Variants in NNMT observed in about 807,000 individuals in gnomAD.
NNMT encodes nicotinamide N-methyltransferase.
In NNMT, 10 loss-of-function variants were observed where a neutral mutation model predicts 11.7. The ratio of observed to expected loss-of-function variants is 0.85; its 90% CI spans 0.53 to 1.45. NNMT has a LOEUF of 1.45. Among genes scored for constraint, NNMT ranks in the 40% most tolerant of loss-of-function variants. The probability of loss-of-function intolerance (pLI) is 0.00; values close to 1 mark genes in which losing one functional copy is unlikely to be tolerated. For synonymous variants in NNMT, 143 were observed against 133.8 expected, an observed-to-expected ratio of 1.07 and a Z score of -0.48; for missense variants, 381 against 319.4, an observed-to-expected ratio of 1.19 and a Z score of -1.47.
intron 2 of NNMT, among the ~76,000 whole-genome samples, chr11:114,281,867 T>G (rs1220673629): frequency 6.6e-6 from 1 of 152,098 alleles, no homozygotes; most frequent in Non-Finnish European, 1.5e-5. Context: ...TGGCAGGCCT[T>G]TTTCTCTGGG....
At chr11:114,279,509 G>A (rs1341930743) in intron 2 of NNMT, among the ~76,000 whole-genome samples, 1 of 152,092 alleles carries the variant, frequency 6.6e-6, no homozygotes, top group East Asian at 1.9e-4. Context: ...GTCAGATCAG[G>A]AGTTGGATAC....
chr11:114,272,661 C>T (rs1945180216), intron 2 of NNMT, among the ~76,000 whole-genome samples: 1 of 152,222 alleles, frequency 6.6e-6, no homozygotes, highest in South Asian at 2.1e-4. Context: ...GGAAGCCTCT[C>T]TCCACCTGCA....
chr11:114,275,382 C>T (rs1945206391), intron 2 of NNMT, among the ~76,000 whole-genome samples: 3 of 152,218 alleles, frequency 2.0e-5, no homozygotes, highest in Non-Finnish European at 4.4e-5. Flanking sequence ...TCCAGGCAGA[C>T]TTTCCATTTC....
intron 2 of NNMT, among the ~76,000 whole-genome samples, chr11:114,264,845 G>A (rs1945108370): frequency 6.6e-6 from 1 of 152,240 alleles, no homozygotes; most frequent in African/African-American, 2.4e-5. Flanking sequence ...TTGAAGAGAT[G>A]CATAGGGCAA....
At chr11:114,307,977 C>T (rs1945508115) in intron 2 of NNMT, among the ~76,000 whole-genome samples, 1 of 152,022 alleles carries the variant, frequency 6.6e-6, no homozygotes, top group South Asian at 2.1e-4. Context: ...TGAGTGATCA[C>T]TGGGTTAATG....
chr11:114,296,421 C>A lies in NNMT; in HGVS notation c.-136C>A. 1 of 817,286 alleles carries A rather than the reference C, an allele frequency of 1.2e-6. No homozygotes were observed. The highest frequency in any genetic ancestry group is 1.9e-6 in the Non-Finnish European group (1 of 526,814). The allele number at this position is 817,286 out of a possible 1,614,324, so 50.6% of individuals were successfully genotyped here. ...GTTAGTGTTTAACCAACCATCTGTT[C>A]TAAAAGAAGGGCTGAACTGATGGAA... On this transcript the variant is annotated 5_prime_UTR_variant, in exon 1 of 3. Transcript: ENST00000299964.
intron 1 of NNMT, among the ~76,000 whole-genome samples, chr11:114,260,348 C>T (rs1945068330): frequency 6.6e-6 from 1 of 152,228 alleles, no homozygotes; most frequent in African/African-American, 2.4e-5. Context: ...GAAGCCCTTC[C>T]CTATGTGGAA....
chr11:114,272,580 C>T (rs1368520323), intron 2 of NNMT, among the ~76,000 whole-genome samples: 1 of 152,196 alleles, frequency 6.6e-6, no homozygotes, highest in Non-Finnish European at 1.5e-5. Context: ...GTCGAGATTT[C>T]CTGCCCCCAT....
intron 2 of NNMT, among the ~76,000 whole-genome samples, chr11:114,263,981 C>A (rs532964492): frequency 6.6e-6 from 1 of 152,258 alleles, no homozygotes; most frequent in South Asian, 2.1e-4. Context: ...CTGCCACTGA[C>A]AAGCCTGATA....
chr11:114,266,995 T>C (rs1280884360), intron 2 of NNMT, among the ~76,000 whole-genome samples: 2 of 152,236 alleles, frequency 1.3e-5, no homozygotes, highest in African/African-American at 4.8e-5. Flanking sequence ...CTGGGCACGG[T>C]GGCTCACACT....
intron 2 of NNMT, among the ~76,000 whole-genome samples, chr11:114,306,830 G>A (rs1433416228): frequency 6.6e-6 from 1 of 152,146 alleles, no homozygotes; most frequent in Non-Finnish European, 1.5e-5. Flanking sequence ...TTAGGCCCCT[G>A]TCGAGGTGGC....
At chr11:114,303,314 A>C (rs1053897497) in intron 2 of NNMT, among the ~76,000 whole-genome samples, 1 of 152,192 alleles carries the variant, frequency 6.6e-6, no homozygotes, top group Non-Finnish European at 1.5e-5. Context: ...GGAATTTAAC[A>C]ATTTTTGATA....
At chr11:114,267,134 G>A (rs980194584) in intron 2 of NNMT, among the ~76,000 whole-genome samples, 17 of 152,070 alleles carry the variant, frequency 1.1e-4, no homozygotes, top group African/African-American at 4.1e-4. Flanking sequence ...GCGTGGTGGT[G>A]CACACCTGTA....
At chr11:114,290,124 A>C (rs139388731) in intron 2 of NNMT, among the ~76,000 whole-genome samples, 1 of 152,166 alleles carries the variant, frequency 6.6e-6, no homozygotes, top group Non-Finnish European at 1.5e-5. Flanking sequence ...GAGCGTTAGG[A>C]TTTTAACATA....
chr11:114,303,119 A>T (rs568230785), intron 2 of NNMT, among the ~76,000 whole-genome samples: 5 of 152,268 alleles, frequency 3.3e-5, no homozygotes, highest in Non-Finnish European at 7.4e-5. Context: ...ATTTACCCAC[A>T]TATCTTTCTT....
At chr11:114,277,971 C>T (rs573208244) in intron 2 of NNMT, among the ~76,000 whole-genome samples, 1 of 152,334 alleles carries the variant, frequency 6.6e-6, no homozygotes, top group Admixed American at 6.5e-5. Flanking sequence ...TTAGTTCTGA[C>T]ATCGGTAGTT....
chr11:114,312,465 C>T lies in NNMT; in HGVS notation c.783C>T (p.Ser261=). 6.2e-7 allele frequency: 1 copy of T among 1,613,258 alleles called. No individual in the cohort carries two copies. The highest frequency in any genetic ancestry group is 8.5e-7 in the Non-Finnish European group (1 of 1,179,552). The change falls in exon 3 of 3, where the codon AGC becomes AGT. Residue 261 remains serine, a synonymous_variant. Coordinates refer to ENST00000299964, the MANE Select transcript of NNMT (RefSeq NM_006169.3). The part of the protein sequence containing the change: ...GLFSLVARKL[S]RPL ...TCTCCCTGGTGGCGAGGAAGCTGAGCAGACCCCTGTGATGCCTGTGACCTC... is the reference window on the plus strand; with the variant it reads ...TCTCCCTGGTGGCGAGGAAGCTGAGTAGACCCCTGTGATGCCTGTGACCTC...
chr11:114,298,135 T>C lies in NNMT; in HGVS notation c.339T>C (p.Tyr113=). Residue 113 remains tyrosine (Y), a synonymous_variant, in exon 2 of 3, where the codon TAT becomes TAC. Transcript: ENST00000299964. ...TTGACTGGTCCCCAGTGGTGACCTA[T>C]GTGTGTGATCTTGAAGGGAACAGGT... ...EAFDWSPVVT[Y]VCDLEGNRVK... 1.2e-6 allele frequency: 2 copies of C among 1,614,154 alleles called. No homozygotes were observed. Among genetic ancestry groups the C allele is most frequent in the Non-Finnish European group, 1.7e-6 (2 of 1,180,004 alleles).
chr11:114,259,412 G>A lies in NNMT; in HGVS notation c.-217+1534G>A, dbSNP rs117727771. ...TGTCGATTCATAGACCACCTGACCCGTGTCTGCCGCATGCCAGAGGAAGGA... is the reference window on the plus strand; with the variant it reads ...TGTCGATTCATAGACCACCTGACCCATGTCTGCCGCATGCCAGAGGAAGGA... On this transcript the variant is annotated intron_variant, in intron 1 of 4. Coordinates refer to the NNMT transcript ENST00000535401. Among the ~76,000 whole-genome samples the A allele has an allele frequency of 1.7e-3, 261 of 150,844 alleles. 2 individuals are homozygous for A. The highest frequency in any genetic ancestry group is 0.016 in the South Asian group (74 of 4,772).
Sources: gnomAD v4.1 joint callset for allele counts (sites outside exome capture counted in the v4.1 genomes callset) on GRCh38, gnomAD v4.1.1 for gene constraint, MANE v1.5 for transcripts, NCBI Gene and HGNC (gene_info 2026-07-23, HGNC 2026-07-21) for gene names.